Variants in MED27 observed in about 807,000 individuals in gnomAD.
The protein encoded by MED27 is mediator of RNA polymerase II transcription subunit 27.
Under a neutral mutation model 38.2 loss-of-function variants are expected in MED27, and 30 were observed. The ratio of observed to expected loss-of-function variants is 0.79; its 90% confidence interval spans 0.59 to 1.07. MED27 has a LOEUF of 1.07. Ranked by LOEUF, MED27 falls within the 50% of genes least tolerant of loss-of-function variation. The pLI is 0.00. For synonymous variants in MED27, 122 were observed against 153.5 expected, an observed-to-expected ratio of 0.79 and a Z score of 1.52; for missense variants, 289 against 397.5, an observed-to-expected ratio of 0.73 and a Z score of 2.32.
intron 3 of MED27, among the ~76,000 whole-genome samples, chr9:131,967,499 T>TTG (rs1831374666): frequency 6.6e-6 from 1 of 152,020 alleles, no homozygotes; most frequent in South Asian, 2.1e-4. Flanking sequence ...TTTTTTTTTT[T>TTG]TTAAGTTTTG....
chr9:131,894,051 G>T, intron 4 of MED27, 59 bp from the exon 5 acceptor site: 1 of 1,379,170 alleles, frequency 7.3e-7, no homozygotes, highest in African/African-American at 1.4e-5. Flanking sequence ...GTTGGGCAGG[G>T]GTGTGAGAAG....
At chr9:131,900,544 C>T (rs181764639) in intron 4 of MED27, among the ~76,000 whole-genome samples, 214 of 152,176 alleles carry the variant, frequency 1.4e-3, no homozygotes, top group Non-Finnish European at 2.6e-3. Flanking sequence ...CCCCAGAACT[C>T]GTGTAGGGGG....
intron 3 of MED27, among the ~76,000 whole-genome samples, chr9:131,988,365 G>C (rs1441496450): frequency 6.6e-6 from 1 of 152,136 alleles, no homozygotes; most frequent in Non-Finnish European, 1.5e-5. Context: ...TGAACAACGA[G>C]GGTTTGAACC....
chr9:132,017,590 T>C (rs1247864815), intron 2 of MED27, among the ~76,000 whole-genome samples: 1 of 152,148 alleles, frequency 6.6e-6, no homozygotes, highest in East Asian at 1.9e-4. Flanking sequence ...ATCTTACAAG[T>C]GCGGGGAATG....
At chr9:132,004,624 G>T (rs1832316497) in intron 3 of MED27, among the ~76,000 whole-genome samples, 1 of 152,140 alleles carries the variant, frequency 6.6e-6, no homozygotes, top group Admixed American at 6.5e-5. Flanking sequence ...TCCTCACTCT[G>T]CAGGAAGGGT....
intron 2 of MED27, among the ~76,000 whole-genome samples, chr9:132,069,116 T>A (rs992683475): frequency 6.6e-6 from 1 of 152,174 alleles, no homozygotes; most frequent in Non-Finnish European, 1.5e-5. Context: ...CTGGTTACAA[T>A]GTACAGAAGG....
At chr9:132,008,492 G>A (rs1832410943) in intron 3 of MED27, among the ~76,000 whole-genome samples, 1 of 152,192 alleles carries the variant, frequency 6.6e-6, no homozygotes, top group Non-Finnish European at 1.5e-5. Context: ...ACGCTAACAA[G>A]TGATAAAATA....
chr9:131,924,312 A>G (rs372192182), intron 4 of MED27, among the ~76,000 whole-genome samples: 2 of 152,096 alleles, frequency 1.3e-5, no homozygotes, highest in Admixed American at 6.5e-5. Context: ...TTTAATTCGC[A>G]TTTCCCTAAT....
intron 6 of MED27, among the ~76,000 whole-genome samples, chr9:131,877,046 A>C (rs1838947489): frequency 6.6e-6 from 1 of 152,124 alleles, no homozygotes; most frequent in South Asian, 2.1e-4. Flanking sequence ...AAAAGACAGA[A>C]GGGCCTTCAA....
At chr9:131,962,286 G>T (rs965180282) in intron 3 of MED27, among the ~76,000 whole-genome samples, 2 of 152,170 alleles carry the variant, frequency 1.3e-5, no homozygotes, top group African/African-American at 4.8e-5. Context: ...ACCCAGGCTG[G>T]ACTGCAGAGG....
intron 6 of MED27, among the ~76,000 whole-genome samples, chr9:131,882,709 C>T (rs7033731): frequency 0.85 from 130,026 of 152,186 alleles, 55,636 homozygotes; most frequent in Middle Eastern, 0.88. Context: ...GGCTCCTCCT[C>T]CTCACACTGC....
At chr9:132,047,547 A>G (rs906905846) in intron 2 of MED27, among the ~76,000 whole-genome samples, 2 of 151,822 alleles carry the variant, frequency 1.3e-5, no homozygotes, top group African/African-American at 4.8e-5. Context: ...GCTTGTCCAA[A>G]TCACGAAAAA....
At chr9:132,070,455 G>A (rs1332438945) in intron 2 of MED27, among the ~76,000 whole-genome samples, 1 of 152,122 alleles carries the variant, frequency 6.6e-6, no homozygotes, top group Non-Finnish European at 1.5e-5. Flanking sequence ...TACTTGGGGG[G>A]CTGATGCAGG....
intron 3 of MED27, among the ~76,000 whole-genome samples, chr9:131,993,243 T>TAAA (rs113721791): frequency 6.6e-6 from 1 of 151,134 alleles, no homozygotes; most frequent in South Asian, 2.1e-4. Context: ...TTTTTTTTTT[T>TAAA]AAAAAATTCA....
chr9:132,033,641 T>C (rs1424411027), intron 2 of MED27, among the ~76,000 whole-genome samples: 1 of 152,246 alleles, frequency 6.6e-6, no homozygotes, highest in Middle Eastern at 3.2e-3. Context: ...TCTGCCATTA[T>C]TGGCATAACT....
At chr9:131,931,772 T>C (rs1830592124) in intron 4 of MED27, among the ~76,000 whole-genome samples, 1 of 152,174 alleles carries the variant, frequency 6.6e-6, no homozygotes, top group Non-Finnish European at 1.5e-5. Flanking sequence ...GGTCATCATA[T>C]AATGCTAAAG....
chr9:131,989,809 C>A (rs1831931867), intron 3 of MED27, among the ~76,000 whole-genome samples: 1 of 151,960 alleles, frequency 6.6e-6, no homozygotes, highest in Non-Finnish European at 1.5e-5. Flanking sequence ...CAATGCAAAT[C>A]CTGGCATCAC....
intron 3 of MED27, among the ~76,000 whole-genome samples, chr9:131,976,013 C>T (rs1289438778): frequency 6.6e-6 from 1 of 152,142 alleles, no homozygotes; most frequent in Non-Finnish European, 1.5e-5. Flanking sequence ...TTAGCAGGGT[C>T]TGTGATCAAA....
intron 2 of MED27, among the ~76,000 whole-genome samples, chr9:132,032,894 C>CT (rs1282231676): frequency 6.6e-6 from 1 of 152,206 alleles, no homozygotes; most frequent in Non-Finnish European, 1.5e-5. Context: ...AATAAATTGT[C>CT]TGAGTGTGAA....
Sources: gnomAD v4.1 joint callset for allele counts (sites outside exome capture counted in the v4.1 genomes callset) on GRCh38, gnomAD v4.1.1 for gene constraint, MANE v1.5 for transcripts, NCBI Gene and HGNC (gene_info 2026-07-23, HGNC 2026-07-21) for gene names.